Variants in MAPKAP1 observed in about 807,000 individuals in gnomAD.
The protein encoded by MAPKAP1 is target of rapamycin complex 2 subunit MAPKAP1.
Under a neutral mutation model 65.7 loss-of-function variants are expected in MAPKAP1, and 20 were observed. The ratio of observed to expected loss-of-function variants is 0.30; its 90% CI spans 0.21 to 0.44. The LOEUF (loss-of-function observed/expected upper bound fraction) is 0.44. MAPKAP1 is among the 20% of genes least tolerant of loss of function. The pLI, the probability that MAPKAP1 is intolerant of heterozygous loss-of-function variation, is 1.00. For synonymous variants in MAPKAP1, 222 were observed against 244.3 expected (o/e 0.91, Z 0.85); for missense variants, 423 against 648.0 (o/e 0.65, Z 3.77).
intron 1 of MAPKAP1, among the ~76,000 whole-genome samples, chr9:125,687,078 G>A (rs1037498695): frequency 6.0e-5 from 9 of 150,516 alleles, no homozygotes; most frequent in Non-Finnish European, 1.3e-4. Flanking sequence ...TGCCCGCCTC[G>A]GCCTCCCAAA....
At chr9:125,643,612 T>G (rs1041213669) in intron 4 of MAPKAP1, among the ~76,000 whole-genome samples, 6 of 152,264 alleles carry the variant, frequency 3.9e-5, no homozygotes, top group African/African-American at 1.4e-4. Context: ...GTGGATACTA[T>G]GCCATAATTT....
At chr9:125,451,252 C>A (rs141379190) in intron 10 of MAPKAP1, among the ~76,000 whole-genome samples, 6 of 152,164 alleles carry the variant, frequency 3.9e-5, no homozygotes, top group African/African-American at 1.2e-4. Flanking sequence ...CAGCTGTTTT[C>A]GACACTTCTT....
intron 2 of MAPKAP1, among the ~76,000 whole-genome samples, chr9:125,670,436 T>A (rs1243049981): frequency 1.3e-5 from 2 of 152,236 alleles, no homozygotes; most frequent in Non-Finnish European, 2.9e-5. Flanking sequence ...TTTTCTTCAG[T>A]GGGCTGAAAC....
intron 6 of MAPKAP1, among the ~76,000 whole-genome samples, chr9:125,548,719 T>C (rs992784635): frequency 2.6e-5 from 4 of 152,196 alleles, no homozygotes; most frequent in Non-Finnish European, 5.9e-5. Flanking sequence ...ACAGTTAATA[T>C]ATAATAAGCA....
At chr9:125,491,969 C>T (rs1468670061) in intron 8 of MAPKAP1, among the ~76,000 whole-genome samples, 1 of 48,162 alleles carries the variant, frequency 2.1e-5, no homozygotes, top group Admixed American at 1.6e-4. Flanking sequence ...AGCGGGAGCA[C>T]TGTTTGAGGC....
intron 8 of MAPKAP1, among the ~76,000 whole-genome samples, chr9:125,487,607 C>A: frequency 7.6e-6 from 1 of 131,342 alleles, no homozygotes. Flanking sequence ...TGCTAAAATG[C>A]CAATTACTAA....
intron 5 of MAPKAP1, among the ~76,000 whole-genome samples, chr9:125,574,363 C>T (rs1170265242): frequency 6.6e-6 from 1 of 152,134 alleles, no homozygotes; most frequent in Non-Finnish European, 1.5e-5. Context: ...TAAAAAGCTG[C>T]CAGTAAAAGA....
chr9:125,662,149 A>G (rs1337610684), intron 3 of MAPKAP1, among the ~76,000 whole-genome samples: 1 of 152,224 alleles, frequency 6.6e-6, no homozygotes, highest in East Asian at 1.9e-4. Context: ...CGGGAGGCCA[A>G]GATGGGCAGA....
At chr9:125,645,736 CAAAAA>C (rs1044199278) in intron 4 of MAPKAP1, among the ~76,000 whole-genome samples, 5 of 54,062 alleles carry the variant, frequency 9.2e-5, no homozygotes, top group Admixed American at 8.1e-4. Context: ...GACTCTGTCT[CAAAAA>C]AAAAAAAAAA....
chr9:125,556,958 T>G (rs890038204), intron 6 of MAPKAP1, among the ~76,000 whole-genome samples: 3 of 152,204 alleles, frequency 2.0e-5, no homozygotes, highest in African/African-American at 7.2e-5. Flanking sequence ...ATATAAAGAT[T>G]TCACTTTACC....
At chr9:125,485,042 C>T (rs1259611035) in intron 8 of MAPKAP1, among the ~76,000 whole-genome samples, 5 of 152,190 alleles carry the variant, frequency 3.3e-5, no homozygotes, top group African/African-American at 1.2e-4. Context: ...CGCCCCACAG[C>T]CTCCATGTGG....
chr9:125,680,940 C>T (rs1329136905), intron 1 of MAPKAP1, among the ~76,000 whole-genome samples: 1 of 152,206 alleles, frequency 6.6e-6, no homozygotes, highest in Non-Finnish European at 1.5e-5. Context: ...TAGGCAGAAA[C>T]ACAAGTGAAA....
At chr9:125,476,045 G>T (rs1854097575) in intron 9 of MAPKAP1, among the ~76,000 whole-genome samples, 4 of 152,188 alleles carry the variant, frequency 2.6e-5, no homozygotes. Flanking sequence ...CTGACACATT[G>T]TCATTAATAA....
At chr9:125,700,169 C>T (rs1055644452) in intron 1 of MAPKAP1, among the ~76,000 whole-genome samples, 8 of 152,178 alleles carry the variant, frequency 5.3e-5, no homozygotes, top group Admixed American at 2.6e-4. Context: ...TTCAGTTCTT[C>T]GTTAGTCTCC....
intron 7 of MAPKAP1, among the ~76,000 whole-genome samples, chr9:125,517,325 C>T (rs1174483323): frequency 6.6e-6 from 1 of 152,026 alleles, no homozygotes; most frequent in East Asian, 1.9e-4. Flanking sequence ...ACTGAGAGTC[C>T]ATCAACCCTC....
chr9:125,503,686 T>A (rs1421665852), intron 8 of MAPKAP1, among the ~76,000 whole-genome samples: 1 of 152,038 alleles, frequency 6.6e-6, no homozygotes, highest in African/African-American at 2.4e-5. Context: ...GCATTTTAGA[T>A]CCTTTTCTCT....
At chr9:125,442,622 G>A (rs1161915514) in intron 11 of MAPKAP1, among the ~76,000 whole-genome samples, 4 of 151,300 alleles carry the variant, frequency 2.6e-5, no homozygotes, top group South Asian at 2.1e-4. Context: ...CAAGGGGCCC[G>A]TGCTGTCTGT....
At chr9:125,655,202 TAAAAC>T (rs1007890797) in intron 4 of MAPKAP1, among the ~76,000 whole-genome samples, 1 of 151,962 alleles carries the variant, frequency 6.6e-6, no homozygotes, top group African/African-American at 2.4e-5. Context: ...AGTGAATCAT[TAAAAC>T]AAGACACTCA....
chr9:125,576,366 G>A (rs1831396119), intron 5 of MAPKAP1, among the ~76,000 whole-genome samples: 1 of 152,114 alleles, frequency 6.6e-6, no homozygotes, highest in South Asian at 2.1e-4. Context: ...GTAAAATGAG[G>A]GATTGGAAGG....
Sources: gnomAD v4.1 joint callset for allele counts (sites outside exome capture counted in the v4.1 genomes callset) on GRCh38, gnomAD v4.1.1 for gene constraint, MANE v1.5 for transcripts, NCBI Gene and HGNC (gene_info 2026-07-23, HGNC 2026-07-21) for gene names.